DNM3: variants seen among roughly 807,000 people sequenced by gnomAD.
DNM3 encodes dynamin 3, also known as dynamin-3.
Under a neutral mutation model 101.6 loss-of-function variants are expected in DNM3, and 47 were observed. The observed-to-expected ratio is 0.46, with a 90% CI of 0.37 to 0.59. The LOEUF (loss-of-function observed/expected upper bound fraction) is 0.59, where lower values mean the gene tolerates loss of function less well. Among genes scored for constraint, DNM3 ranks in the 20% least tolerant of loss-of-function variants. The probability of loss-of-function intolerance (pLI) is 0.00; values close to 1 mark genes in which losing one functional copy is unlikely to be tolerated. For synonymous variants in DNM3, 385 were observed against 387.9 expected (o/e 0.99, Z 0.09); for missense variants, 849 against 1,085.7 (o/e 0.78, Z 3.06).
chr1:172,390,109 A>G (rs2069439506), intron 20 of DNM3, among the ~76,000 whole-genome samples: 1 of 152,220 alleles, frequency 6.6e-6, no homozygotes, highest in Non-Finnish European at 1.5e-5. Context: ...GAGGATATAT[A>G]CACACTCTCA....
chr1:172,074,466 GC>G (rs1166433977), intron 11 of DNM3, among the ~76,000 whole-genome samples: 3 of 151,150 alleles, frequency 2.0e-5, no homozygotes, highest in East Asian at 2.0e-4. Context: ...CCCTCCCCTA[GC>G]CCCCCACCCC....
At chr1:172,249,525 T>C (rs550728197) in intron 14 of DNM3, among the ~76,000 whole-genome samples, 17 of 152,260 alleles carry the variant, frequency 1.1e-4, no homozygotes, top group African/African-American at 4.1e-4. Context: ...TCATCCTGGA[T>C]GCCTCCCATA....
chr1:172,314,467 G>T (rs1392151769), intron 16 of DNM3, among the ~76,000 whole-genome samples: 1 of 152,092 alleles, frequency 6.6e-6, no homozygotes, highest in Admixed American at 6.5e-5. Context: ...AGGGGTCAAG[G>T]AGTTCCCTTT....
At chr1:172,052,924 C>T (rs1334783458) in intron 10 of DNM3, among the ~76,000 whole-genome samples, 2 of 152,166 alleles carry the variant, frequency 1.3e-5, no homozygotes, top group Non-Finnish European at 2.9e-5. Context: ...CAACTATTCT[C>T]TTTTCTTACT....
intron 14 of DNM3, among the ~76,000 whole-genome samples, chr1:172,135,018 G>T (rs1389433682): frequency 2.0e-5 from 3 of 152,152 alleles, no homozygotes; most frequent in Non-Finnish European, 4.4e-5. Context: ...GTGGAGAATG[G>T]ATTGGAAGAG....
chr1:172,366,641 A>G (rs1273743411), intron 17 of DNM3: 1 of 151,910 alleles, frequency 6.6e-6, no homozygotes, highest in African/African-American at 2.4e-5. Flanking sequence ...AGCATTTTGT[A>G]TTTTTCTGAA....
At chr1:171,924,182 T>C (rs559132757) in intron 2 of DNM3, among the ~76,000 whole-genome samples, 7 of 152,308 alleles carry the variant, frequency 4.6e-5, no homozygotes, top group Admixed American at 3.3e-4. Context: ...TTCTTTTCCT[T>C]TGGGTAGCTA....
chr1:172,189,195 C>T (rs1304342013), intron 14 of DNM3, among the ~76,000 whole-genome samples: 1 of 151,970 alleles, frequency 6.6e-6, no homozygotes, highest in Non-Finnish European at 1.5e-5. Context: ...TTTCTGGGCT[C>T]TTATGTTGTT....
intron 20 of DNM3, among the ~76,000 whole-genome samples, chr1:172,405,169 C>T (rs1314243535): frequency 6.6e-6 from 1 of 152,084 alleles, no homozygotes; most frequent in African/African-American, 2.4e-5. Context: ...CTTGTTTAGG[C>T]ACTTTTCAGT....
rs143721218 is a variant in DNM3 at position 172,136,029 on chromosome 1, A to G, written c.1659+4741A>G. Among the ~76,000 whole-genome samples, 656 of 152,194 alleles carry G rather than the reference A, an allele frequency of 4.3e-3. 4 individuals carry two copies. The highest frequency in any genetic ancestry group is 7.6e-3 in the Non-Finnish European group (514 of 67,998). ...ATTTAAATCATAATGAGCTACTCCT[A>G]GGCAAGCAGAATAATGCAACATAGG... On this transcript the variant is annotated intron_variant, in intron 14 of 20. Coordinates refer to ENST00000627582, the MANE Select transcript of DNM3 (RefSeq NM_015569.5).
intron 13 of DNM3, among the ~76,000 whole-genome samples, chr1:172,110,467 C>A (rs1012051776): frequency 1.3e-5 from 2 of 151,988 alleles, no homozygotes; most frequent in Non-Finnish European, 2.9e-5. Flanking sequence ...ACATAGAATC[C>A]GCTTATAAAT....
At chr1:172,374,164 T>A (rs560543138) in intron 17 of DNM3, among the ~76,000 whole-genome samples, 1 of 152,214 alleles carries the variant, frequency 6.6e-6, no homozygotes, top group East Asian at 1.9e-4. Context: ...AGCAAATTTC[T>A]TCTGATTTTG....
rs80023989 is a variant in DNM3 at position 172,202,257 on chromosome 1, A to G, written c.1660-51316A>G. Reference sequence around the variant, plus strand: ...GTTAGGAAGTGTTCCTTCTGTTTTTATTTAAAAGAGTTTGTAAAGAATTGG... The same window carrying G: ...GTTAGGAAGTGTTCCTTCTGTTTTTGTTTAAAAGAGTTTGTAAAGAATTGG... On this transcript the variant is annotated intron_variant, in intron 14 of 20. Transcript: ENST00000627582. Among the ~76,000 whole-genome samples the G allele has an allele frequency of 7.2e-3, 1,100 of 152,218 alleles. 8 individuals carry two copies. The highest frequency in any genetic ancestry group is 7.9e-3 in the Non-Finnish European group (538 of 67,994).
At chr1:172,292,057 G>T (rs536145148) in intron 15 of DNM3, among the ~76,000 whole-genome samples, 1 of 152,174 alleles carries the variant, frequency 6.6e-6, no homozygotes, top group African/African-American at 2.4e-5. Context: ...TATAGGAGAG[G>T]CCTGGTTTTA....
chr1:172,398,809 A>C (rs1196490811), intron 20 of DNM3, among the ~76,000 whole-genome samples: 1 of 152,166 alleles, frequency 6.6e-6, no homozygotes, highest in Non-Finnish European at 1.5e-5. Context: ...TTATTTAGTG[A>C]CTTTTGGTCT....
At chr1:172,406,156 T>A (rs751046539) in intron 20 of DNM3, among the ~76,000 whole-genome samples, 7 of 151,898 alleles carry the variant, frequency 4.6e-5, no homozygotes, top group Non-Finnish European at 1.0e-4. Context: ...ATAATAGAGA[T>A]TTGTTGAGAT....
At chr1:172,086,076 A>G (rs1283297005) in intron 12 of DNM3, among the ~76,000 whole-genome samples, 3 of 152,200 alleles carry the variant, frequency 2.0e-5, no homozygotes, top group Admixed American at 2.0e-4. Flanking sequence ...TATAAATTCC[A>G]ATGTTCCAAG....
chr1:172,326,122 T>G (rs545043741), intron 17 of DNM3, among the ~76,000 whole-genome samples: 1 of 152,316 alleles, frequency 6.6e-6, no homozygotes, highest in African/African-American at 2.4e-5. Flanking sequence ...TAGATTCACA[T>G]TATGAATGCA....
At chr1:172,395,908 A>ATGAT (rs1296304540) in intron 20 of DNM3, among the ~76,000 whole-genome samples, 2 of 152,210 alleles carry the variant, frequency 1.3e-5, no homozygotes, top group Non-Finnish European at 2.9e-5. Flanking sequence ...ACTAGATTTG[A>ATGAT]TGATAGAATT....
Sources: allele counts gnomAD v4.1 joint callset (sites outside exome capture counted in the v4.1 genomes callset), GRCh38; gene constraint gnomAD v4.1.1; transcripts MANE v1.5; gene names NCBI Gene and HGNC (gene_info 2026-07-23, HGNC 2026-07-21).